Variants in SUCLG2 observed in about 807,000 individuals in gnomAD.
SUCLG2 encodes succinate--CoA ligase [GDP-forming] subunit beta, mitochondrial.
A neutral mutation model predicts 47.9 loss-of-function variants in SUCLG2; 42 were observed. That is an observed-to-expected ratio of 0.88 (90% CI 0.69 to 1.14). The LOEUF (loss-of-function observed/expected upper bound fraction) is 1.14. SUCLG2 is among the 50% of genes most tolerant of loss of function. The pLI is 0.00. For synonymous variants in SUCLG2, 195 were observed against 197.3 expected (o/e 0.99, Z 0.10); for missense variants, 571 against 525.9 (o/e 1.09, Z -0.84).
At chr3:67,433,846 T>A (rs1274333097) in intron 9 of SUCLG2, among the ~76,000 whole-genome samples, 1 of 151,966 alleles carries the variant, frequency 6.6e-6, no homozygotes, top group African/African-American at 2.4e-5. Flanking sequence ...TTAGTTAGCC[T>A]AGCTCTACAA....
At chr3:67,404,407 AAG>A (rs1215138306) in intron 9 of SUCLG2, among the ~76,000 whole-genome samples, 4 of 151,040 alleles carry the variant, frequency 2.6e-5, no homozygotes, top group Non-Finnish European at 4.4e-5. Flanking sequence ...ACAAAAGAAT[AAG>A]AGAGAGAGAA....
chr3:67,446,413 G>T (rs1575702146), intron 9 of SUCLG2, among the ~76,000 whole-genome samples: 2 of 113,666 alleles, frequency 1.8e-5, no homozygotes, highest in Non-Finnish European at 1.7e-5. Flanking sequence ...ATGTACATAT[G>T]TACATTTTTT....
intron 10 of SUCLG2, among the ~76,000 whole-genome samples, chr3:67,394,957 C>T (rs1011052944): frequency 6.6e-6 from 1 of 152,090 alleles, no homozygotes; most frequent in African/African-American, 2.4e-5. Context: ...AAATACTTTA[C>T]AGACAAGCAA....
chr3:67,595,102 G>A (rs1462790449), intron 2 of SUCLG2, among the ~76,000 whole-genome samples: 1 of 152,208 alleles, frequency 6.6e-6, no homozygotes, highest in Non-Finnish European at 1.5e-5. Flanking sequence ...CGGAAGCAAT[G>A]AAAGTATCAT....
At chr3:67,569,385 C>T (rs1299526726) in intron 2 of SUCLG2, among the ~76,000 whole-genome samples, 4 of 152,194 alleles carry the variant, frequency 2.6e-5, no homozygotes, top group Admixed American at 2.6e-4. Flanking sequence ...TTTTCTTATA[C>T]ACAGATCTGA....
rs971504566 is a variant in SUCLG2 at position 67,442,171 on chromosome 3, C to T, written c.1063-41320G>A. Reference sequence around the variant, plus strand: ...GACTACAGGCGCCCGCCACTACGCCCGGCTAATTTTTTGTATTTTTAGTAG... The same window carrying T: ...GACTACAGGCGCCCGCCACTACGCCTGGCTAATTTTTTGTATTTTTAGTAG... On this transcript the variant is annotated intron_variant, in intron 9 of 10. Transcript: ENST00000307227. Among the ~76,000 whole-genome samples, 5 of 150,370 alleles carry T rather than the reference C, an allele frequency of 3.3e-5. 1 individual carries two copies. The East Asian group carries it at 9.8e-4, about 29-fold the overall frequency.
intron 10 of SUCLG2, among the ~76,000 whole-genome samples, chr3:67,377,345 G>A (rs551915280): frequency 6.6e-6 from 1 of 152,360 alleles, no homozygotes; most frequent in African/African-American, 2.4e-5. Flanking sequence ...AATGAAATGA[G>A]TGTAAAAGCA....
rs527722232 is a variant in SUCLG2 at position 67,436,246 on chromosome 3, C to T, written c.1063-35395G>A. ...AACAAAATCTTGCTCTGCTTCAGTTCCTGCAGGAGAAAAAGTAAGTGGTCT... is the reference window on the plus strand; with the variant it reads ...AACAAAATCTTGCTCTGCTTCAGTTTCTGCAGGAGAAAAAGTAAGTGGTCT... On this transcript the variant is annotated intron_variant, in intron 9 of 10. Transcript: ENST00000307227. Among the ~76,000 whole-genome samples, 10 of 152,200 alleles carry T rather than the reference C, an allele frequency of 6.6e-5. No individual in the cohort carries two copies. The South Asian group carries it at 1.2e-3, about 19-fold the overall frequency.
At chr3:67,548,720 C>G (rs556165619) in intron 2 of SUCLG2, among the ~76,000 whole-genome samples, 1 of 152,238 alleles carries the variant, frequency 6.6e-6, no homozygotes, top group Admixed American at 6.5e-5. Context: ...ATCCTTAGGA[C>G]AAATGAGCGA....
Position 67,525,711 on chromosome 3 carries a change from T to C in SUCLG2, c.417+2421A>G, listed in dbSNP as rs545719311. Among the ~76,000 whole-genome samples the C allele has an allele frequency of 1.1e-4, 17 of 152,276 alleles. No individual in the cohort carries two copies. In the South Asian group the frequency reaches 3.3e-3, roughly 30 times the overall value. On this transcript the variant is annotated intron_variant, in intron 4 of 10. Coordinates refer to ENST00000307227, the MANE Select transcript of SUCLG2 (RefSeq NM_003848.4). ...AAAAAACATGAGAAAATTTTTATTATGTAGGGCAACGTAAAGAGGACTTAG... is the reference window on the plus strand; with the variant it reads ...AAAAAACATGAGAAAATTTTTATTACGTAGGGCAACGTAAAGAGGACTTAG...
rs150352166 is a variant in SUCLG2 at position 67,498,302 on chromosome 3, AAAG to A, written c.758-10_758-8del. On this transcript the variant is annotated splice_polypyrimidine_tract_variant and splice_region_variant and intron_variant, in intron 7 of 10. Coordinates refer to ENST00000307227, the MANE Select transcript of SUCLG2 (RefSeq NM_003848.4). The stretch of plus-strand genomic sequence containing the variant: ...TTGGCATCAAAACAGACAACTAAAT[AAAG>A]AAGAAAACAATCATACTTGAATATC... 0.082 allele frequency: 132,792 copies of A among 1,612,360 alleles called. 9,121 individuals carry two copies. Among genetic ancestry groups the A allele is most frequent in the East Asian group, 0.3 (13,529 of 44,756 alleles).
At chr3:67,465,266 A>G (rs1704442486) in intron 9 of SUCLG2, among the ~76,000 whole-genome samples, 1 of 152,148 alleles carries the variant, frequency 6.6e-6, no homozygotes, top group South Asian at 2.1e-4. Context: ...AATGAATTCA[A>G]ACTTCCTGAT....
chr3:67,625,644 T>A (rs554066339), intron 1 of SUCLG2, among the ~76,000 whole-genome samples: 1 of 152,252 alleles, frequency 6.6e-6, no homozygotes, highest in South Asian at 2.1e-4. Flanking sequence ...ACACTAGACA[T>A]GAAAGCTACT....
chr3:67,401,500 A>G (rs1213499714), intron 9 of SUCLG2, among the ~76,000 whole-genome samples: 1 of 151,982 alleles, frequency 6.6e-6, no homozygotes, highest in African/African-American at 2.4e-5. Flanking sequence ...GGAGCTTCTT[A>G]GAAATGTAAA....
At chr3:67,492,135 A>T (rs1705222968) in intron 9 of SUCLG2, among the ~76,000 whole-genome samples, 1 of 152,240 alleles carries the variant, frequency 6.6e-6, no homozygotes, top group African/African-American at 2.4e-5. Flanking sequence ...AAGTACAATC[A>T]AATCCAATGA....
At chr3:67,518,440 G>T in intron 5 of SUCLG2, 104 bp from the exon 6 acceptor site, 1 of 1,048,640 alleles carries the variant, frequency 9.5e-7, no homozygotes, top group Non-Finnish European at 1.4e-6. Flanking sequence ...AGTAATTAAA[G>T]TGTGGCATCT....
chr3:67,646,818 G>A (rs544905944), intron 1 of SUCLG2, among the ~76,000 whole-genome samples: 149 of 152,050 alleles, frequency 9.8e-4, no homozygotes, highest in Admixed American at 2.3e-3. Context: ...TGCCAAAGTC[G>A]CCCAAATGAT....
intron 10 of SUCLG2, among the ~76,000 whole-genome samples, chr3:67,394,158 C>T (rs1575666591): frequency 6.6e-6 from 1 of 152,150 alleles, no homozygotes; most frequent in Non-Finnish European, 1.5e-5. Flanking sequence ...AGCAACAGAA[C>T]AAAGCTGGAC....
intron 1 of SUCLG2, among the ~76,000 whole-genome samples, chr3:67,636,353 CTT>C (rs373165988): frequency 3.2e-4 from 44 of 137,884 alleles, no homozygotes; most frequent in Admixed American, 3.7e-4. Flanking sequence ...AGGCAGAATC[CTT>C]TTTTTTTTTT....
Sources: gnomAD v4.1 joint callset for allele counts (sites outside exome capture counted in the v4.1 genomes callset) on GRCh38, gnomAD v4.1.1 for gene constraint, MANE v1.5 for transcripts, NCBI Gene and HGNC (gene_info 2026-07-23, HGNC 2026-07-21) for gene names.